NME9: variants seen among roughly 807,000 people sequenced by gnomAD.
NME9 encodes thioredoxin domain-containing protein 6.
NME9 carries 48 observed loss-of-function variants against 44.4 expected under a neutral mutation model. The ratio of observed to expected loss-of-function variants is 1.08; its 90% confidence interval spans 0.86 to 1.37. NME9 has a LOEUF of 1.37. Among genes scored for constraint, NME9 ranks in the 40% most tolerant of loss-of-function variants. The pLI, the probability that NME9 is intolerant of heterozygous loss-of-function variation, is 0.00. For synonymous variants in NME9, 139 were observed against 147.1 expected (o/e 0.94, Z 0.40); for missense variants, 325 against 405.2 (o/e 0.80, Z 1.70).
At chr3:138,297,637 CAG>C (rs939959574), downstream of NME9, 6 of 152,222 alleles carry the variant, frequency 3.9e-5, no homozygotes, top group African/African-American at 1.4e-4. Context: ...GATTCAAACA[CAG>C]AGACTTCCAA....
intron 8 of NME9, among the ~76,000 whole-genome samples, chr3:138,291,080 C>T (rs1242155749): frequency 2.0e-5 from 3 of 152,252 alleles, no homozygotes; most frequent in African/African-American, 7.2e-5. Flanking sequence ...AAGAGCTCAT[C>T]ATTTCCTGGT....
chr3:138,283,574 G>A (rs2050134699), intron 8 of NME9, among the ~76,000 whole-genome samples: 1 of 152,158 alleles, frequency 6.6e-6, no homozygotes, highest in African/African-American at 2.4e-5. Context: ...CCTGCAGAGG[G>A]CATACCCATA....
At chr3:138,321,886 T>C (rs1466025485) in intron 2 of NME9, among the ~76,000 whole-genome samples, 1 of 151,360 alleles carries the variant, frequency 6.6e-6, no homozygotes, top group African/African-American at 2.4e-5. Context: ...GAGAACAAAC[T>C]CAACTCTAAA....
intron 8 of NME9, among the ~76,000 whole-genome samples, chr3:138,288,317 A>G (rs2050616402): frequency 6.6e-6 from 1 of 152,238 alleles, no homozygotes; most frequent in South Asian, 2.1e-4. Flanking sequence ...CCAAATGCAC[A>G]TCCACCCAGT....
chr3:138,317,656 T>A (rs1352480017), intron 4 of NME9, among the ~76,000 whole-genome samples: 3 of 152,230 alleles, frequency 2.0e-5, no homozygotes, highest in Non-Finnish European at 2.9e-5. Context: ...ATGAAGAGCT[T>A]GTCTGCCCCA....
At chr3:138,275,855 CTG>C (rs2049240779) in intron 8 of NME9, among the ~76,000 whole-genome samples, 2 of 152,028 alleles carry the variant, frequency 1.3e-5, no homozygotes, top group South Asian at 4.1e-4. Flanking sequence ...TTTTTTAAAA[CTG>C]TGTTTTGATG....
At chr3:138,305,104 C>T in intron 8 of NME9, 77 bp from the exon 9 acceptor site, 2 of 1,365,684 alleles carry the variant, frequency 1.5e-6, no homozygotes, top group Non-Finnish European at 2.0e-6. Context: ...CCCATCTCAC[C>T]CACGGAATGG....
intron 4 of NME9, 35 bp downstream of exon 4, chr3:138,318,113 T>C: frequency 7.7e-7 from 1 of 1,291,028 alleles, no homozygotes; most frequent in South Asian, 1.2e-5. Context: ...TGATTTGCAA[T>C]CGTCAAATAG....
At position 138,274,232 on chromosome 3, in the gene NME9, C is replaced by CGTGT. The variant is rs111762534; in HGVS notation, c.746-11647_746-11646insACAC. On this transcript the variant is annotated intron_variant, in intron 8 of 8. Transcript: ENST00000317876. ...TGTATGTATGTGTAATGTGTATATA[C>CGTGT]ATGTGTGTGTGTGTGTGTGTGTGTG... 3.3e-3 allele frequency among the ~76,000 whole-genome samples: 478 copies of CGTGT among 145,390 alleles called. 5 individuals are homozygous for CGTGT. Among genetic ancestry groups the CGTGT allele is most frequent in the African/African-American group, 0.013 (459 of 36,168 alleles).
intron 6 of NME9, among the ~76,000 whole-genome samples, chr3:138,309,589 GC>G (rs561111650): frequency 1.7e-3 from 261 of 152,304 alleles, no homozygotes; most frequent in African/African-American, 5.9e-3. Flanking sequence ...GGAGGCTGAG[GC>G]ATGAGAATCA....
intron 1 of NME9, among the ~76,000 whole-genome samples, chr3:138,327,674 C>T (rs1349345132): frequency 6.6e-6 from 1 of 152,058 alleles, no homozygotes; most frequent in Non-Finnish European, 1.5e-5. Flanking sequence ...CTGGGTTGGC[C>T]AACTTTAGGC....
At chr3:138,283,876 G>T (rs891738306) in intron 8 of NME9, among the ~76,000 whole-genome samples, 2 of 152,144 alleles carry the variant, frequency 1.3e-5, no homozygotes, top group Admixed American at 6.5e-5. Flanking sequence ...CCCTAACAGG[G>T]TTCAAAAAAG....
chr3:138,309,302 C>A (rs113310604), intron 6 of NME9, among the ~76,000 whole-genome samples: 1,060 of 139,940 alleles, frequency 7.6e-3, no homozygotes, highest in Non-Finnish European at 8.2e-3. Flanking sequence ...TCATCTCAAA[C>A]AAAAAAAAAA....
chr3:138,285,662 T>C (rs949976293), intron 8 of NME9, among the ~76,000 whole-genome samples: 1 of 152,222 alleles, frequency 6.6e-6, no homozygotes, highest in African/African-American at 2.4e-5. Flanking sequence ...TCAGTTTTAG[T>C]GATATATGTT....
At chr3:138,270,423 A>G (rs1196040089) in intron 8 of NME9, among the ~76,000 whole-genome samples, 1 of 152,184 alleles carries the variant, frequency 6.6e-6, no homozygotes, top group African/African-American at 2.4e-5. Context: ...AACATATTAT[A>G]TTTTTGTGTA....
rs1216791867 is a variant in NME9 at position 138,301,003 on chromosome 3, A to G, written c.*637T>C. The G allele has an allele frequency of 1.0e-6, 1 of 956,382 alleles. No homozygotes were observed. Among genetic ancestry groups the G allele is most frequent in the Non-Finnish European group, 1.2e-6 (1 of 803,592 alleles). The allele number at this position is 956,382 out of a possible 1,614,324, so 59.2% of individuals were successfully genotyped here. ...CCAAATTAAGTTCTAAAATTGTTTA[A>G]TTCATAAGGTAGATTTATTGTTGGG... On this transcript the variant is annotated 3_prime_UTR_variant, in exon 11 of 11. Coordinates refer to ENST00000333911, the MANE Select transcript of NME9 (RefSeq NM_001349018.2).
chr3:138,291,926 A>G (rs190890261), intron 8 of NME9, among the ~76,000 whole-genome samples: 1 of 152,350 alleles, frequency 6.6e-6, no homozygotes, highest in East Asian at 1.9e-4. Context: ...TAGGTAAGGT[A>G]AGGACTTTGG....
intron 8 of NME9, among the ~76,000 whole-genome samples, chr3:138,266,287 C>G (rs1357546633): frequency 6.6e-6 from 1 of 152,106 alleles, no homozygotes; most frequent in African/African-American, 2.4e-5. Context: ...TACCTACACT[C>G]TACTCTCCAG....
In NME9 at chr3:138,283,625, G is replaced by C. The variant is rs187171655; in HGVS notation, c.745+19882C>G. 5.9e-5 allele frequency among the ~76,000 whole-genome samples: 9 copies of C among 152,224 alleles called. 1 individual carries two copies. Among genetic ancestry groups the C allele is most frequent in the Admixed American group, 4.6e-4 (7 of 15,278 alleles). ...ATGGTTTGTTGAATTGCTAAGCTTG[G>C]CACTGTTGGTATCCCTATCATAGTC... On this transcript the variant is annotated intron_variant, in intron 8 of 8. Coordinates refer to the NME9 transcript ENST00000317876.
Sources: allele counts gnomAD v4.1 joint callset (sites outside exome capture counted in the v4.1 genomes callset), GRCh38; gene constraint gnomAD v4.1.1; transcripts MANE v1.5; gene names NCBI Gene and HGNC (gene_info 2026-07-23, HGNC 2026-07-21).